Variants in KHDC4 observed in about 807,000 individuals in gnomAD.
KHDC4 encodes KH domain containing 4, pre-mRNA splicing factor, also known as KH homology domain-containing protein 4.
In KHDC4, 19 loss-of-function variants were observed where a neutral mutation model predicts 74.5. The ratio of observed to expected loss-of-function variants is 0.26; its 90% CI spans 0.18 to 0.37. The LOEUF (loss-of-function observed/expected upper bound fraction) is 0.37, where lower values mean the gene tolerates loss of function less well. Ranked by LOEUF, KHDC4 falls within the 10% of genes least tolerant of loss-of-function variation. KHDC4 has a pLI of 1.00. For missense variants in KHDC4, 632 were observed against 754.1 expected, an observed-to-expected ratio of 0.84 and a Z score of 1.90; for synonymous variants, 253 against 266.1, an observed-to-expected ratio of 0.95 and a Z score of 0.48.
rs1275782699 is a variant in KHDC4 at position 155,929,656 on chromosome 1, CTTCT to C, written c.384+52_384+55del. On this transcript the variant is annotated intron_variant, in intron 3 of 13. Transcript: ENST00000368321. ...ATCTGACGCCTGTCTATTTAGAGGTCTTCTTTATCTGAATCCACTCACCGCCCTC... is the reference window on the plus strand; with the variant it reads ...ATCTGACGCCTGTCTATTTAGAGGTCTTATCTGAATCCACTCACCGCCCTC... 193 of 1,571,596 alleles carry C rather than the reference CTTCT, an allele frequency of 1.2e-4. No homozygotes were observed. The East Asian group carries it at 4.2e-3, about 34-fold the overall frequency.
chr1:155,925,794 G>A lies in KHDC4; in HGVS notation c.731C>T (p.Pro244Leu). 2.5e-6 allele frequency: 4 copies of A among 1,614,018 alleles called. No homozygotes were observed. Among genetic ancestry groups the A allele is most frequent in the Non-Finnish European group, 2.5e-6 (3 of 1,179,978 alleles). Residue 244 changes from proline (P) to leucine (L), a missense_variant, in exon 7 of 14, where the codon CCC becomes CTC. Coordinates refer to ENST00000368321, the MANE Select transcript of KHDC4 (RefSeq NM_014949.4). ...KLFVGLEHAV[P>L]TFNVKEKVEG... ...CACCTTCTCCTTGACATTAAAAGTG[G>A]GTACAGCATGTTCTAGACCCACAAA...
chr1:155,933,514 G>C (rs1572016190), intron 2 of KHDC4, 119 bp downstream of exon 2: 6 of 683,800 alleles, frequency 8.8e-6, no homozygotes, highest in East Asian at 2.9e-5. Context: ...TCAAACTCCT[G>C]ACCTTGTGAT....
chr1:155,933,842 T>C lies in KHDC4; in HGVS notation c.46A>G (p.Ser16Gly), dbSNP rs1337256047. ...ATHPGAGGRR[S>G]KWDQPAPAPL... ...GCTGGAGCTGGTTGGTCCCATTTGCTGCGGCGCCTACATGGAGAAAAAGGA... is the reference window on the plus strand; with the variant it reads ...GCTGGAGCTGGTTGGTCCCATTTGCCGCGGCGCCTACATGGAGAAAAAGGA... The change falls in exon 2 of 14, where the codon AGC becomes GGC. Residue 16 changes from serine (S) to glycine (G), a missense_variant. Physicochemically the swap from Ser to Gly is moderately conservative, Grantham distance 56 (BLOSUM62 0). This residue lies in a region of KHDC4 where 104 missense variants were observed against 78.1 expected (regional missense o/e 1.33). Coordinates refer to ENST00000368321, the MANE Select transcript of KHDC4 (RefSeq NM_014949.4). 1 of 1,547,132 alleles carries C rather than the reference T, an allele frequency of 6.5e-7. No homozygotes were observed. Among genetic ancestry groups the C allele is most frequent in the Non-Finnish European group, 8.7e-7 (1 of 1,143,588 alleles).
At chr1:155,917,048 T>C (rs1319560207) in intron 11 of KHDC4, 7 of 252,322 alleles carry the variant, frequency 2.8e-5, no homozygotes, top group Non-Finnish European at 5.3e-5. Context: ...GTTTAAAGAA[T>C]GATTCAAGGA....
chr1:155,933,305 T>A (rs951591372), intron 2 of KHDC4, among the ~76,000 whole-genome samples: 2 of 152,120 alleles, frequency 1.3e-5, no homozygotes, highest in African/African-American at 4.8e-5. Flanking sequence ...TTTTTTTTTT[T>A]TTTGAGACGG....
In KHDC4 at chr1:155,929,808, A is replaced by G; in HGVS notation, c.288T>C (p.Asn96=). The G allele has an allele frequency of 6.2e-7, 1 of 1,610,158 alleles. No homozygotes were observed. The highest frequency in any genetic ancestry group is 8.5e-7 in the Non-Finnish European group (1 of 1,178,392). Residue 96 remains asparagine, a synonymous_variant, in exon 3 of 14, where the codon AAT becomes AAC. Transcript: ENST00000368321. The part of the protein sequence containing the change: ...LQAPGKGLTS[N]KSKDDLVVAE... ...CTACCACCAGGTCATCCTTGCTTTTATTGCTAGTTAGGCCTTTGCCAGGAG... is the reference window on the plus strand; with the variant it reads ...CTACCACCAGGTCATCCTTGCTTTTGTTGCTAGTTAGGCCTTTGCCAGGAG...
At chr1:155,926,491 G>A (rs925368357) in intron 6 of KHDC4, 185 bp downstream of exon 6, 22 of 608,098 alleles carry the variant, frequency 3.6e-5, no homozygotes, top group Admixed American at 2.7e-4. Flanking sequence ...CACCATGCCC[G>A]GGTAATGTTC....
At chr1:155,927,832 C>CCACACACCCACACA (rs1553231146) in intron 4 of KHDC4, among the ~76,000 whole-genome samples, 2 of 90,930 alleles carry the variant, frequency 2.2e-5, no homozygotes, top group African/African-American at 1.0e-4. Context: ...AAAAAAAAAA[C>CCACACACCCACACA]CACACACACA....
At position 155,929,715 on chromosome 1, in the gene KHDC4, G is replaced by C. The variant is rs370270450; in HGVS notation, c.381C>G (p.Asp127Glu). Residue 127 changes from aspartate (D) to glutamate (E), a missense_variant, in exon 3 of 14, where the codon GAC becomes GAG. Physicochemically the swap from Asp to Glu is conservative, Grantham distance 45. Transcript: ENST00000368321. ...AAGAGTCTCAATGCCTCCTCACCTC[G>C]TCTTGAGTCTGTCCTCGAGTCAGCA... ...RNLLTRGQTQ[D>E]EISRLSGAAV... 1 of 1,609,262 alleles carries C rather than the reference G, an allele frequency of 6.2e-7. No individual in the cohort carries two copies. The highest frequency in any genetic ancestry group is 8.5e-7 in the Non-Finnish European group (1 of 1,178,598).
Position 155,927,833 on chromosome 1 carries a change from CACACACACACACACACA to C in KHDC4, c.465-694_465-678del, listed in dbSNP as rs1437812638. On this transcript the variant is annotated intron_variant, in intron 4 of 13. Coordinates refer to ENST00000368321, the MANE Select transcript of KHDC4 (RefSeq NM_014949.4). ...AAAAAAAAAAAAAAAAAAAAAAAAC[CACACACACACACACACA>C]CACACACACACACACACACACACAA... Among the ~76,000 whole-genome samples, 35 of 6,742 alleles carry C rather than the reference CACACACACACACACACA, an allele frequency of 5.2e-3. 1 individual carries two copies. Among genetic ancestry groups the C allele is most frequent in the African/African-American group, 0.012 (33 of 2,758 alleles). 4.4% of individuals were successfully genotyped at this position (6,742 alleles called of 152,430 possible).
intron 13 of KHDC4, chr1:155,915,531 G>A (rs1673712878): frequency 3.4e-6 from 1 of 298,012 alleles, no homozygotes; most frequent in Non-Finnish European, 6.0e-6. Flanking sequence ...TTTATGAGAT[G>A]GAGTCTTGCT....
intron 4 of KHDC4, among the ~76,000 whole-genome samples, chr1:155,927,501 G>A (rs112829536): frequency 4.0e-4 from 61 of 152,042 alleles, no homozygotes; most frequent in African/African-American, 1.2e-3. Flanking sequence ...ATGTGGTCTC[G>A]TCTATCCAAA....
chr1:155,926,076 A>C (rs745722008), intron 6 of KHDC4: 2 of 709,200 alleles, frequency 2.8e-6, no homozygotes, highest in South Asian at 2.7e-5. Context: ...CAGCCTTCTT[A>C]GTCCTCCAGT....
intron 4 of KHDC4, 55 bp from the exon 5 acceptor site, chr1:155,927,211 G>A: frequency 7.8e-7 from 1 of 1,277,770 alleles, no homozygotes; most frequent in Non-Finnish European, 1.1e-6. Context: ...CAAAAAAGGA[G>A]TCAAATGGGT....
At chr1:155,932,974 T>A (rs1674174736) in intron 2 of KHDC4, among the ~76,000 whole-genome samples, 1 of 152,134 alleles carries the variant, frequency 6.6e-6, no homozygotes, top group Non-Finnish European at 1.5e-5. Context: ...CTACAGGTTC[T>A]AATTAGAGAT....
chr1:155,917,791 G>A (rs1251286484), intron 10 of KHDC4, 119 bp from the exon 11 acceptor site: 1 of 829,640 alleles, frequency 1.2e-6, no homozygotes, highest in South Asian at 1.9e-5. Context: ...GCATCTTCAG[G>A]TCCTTAGTTT....
In KHDC4 at chr1:155,913,903, T is replaced by C. The variant is rs1355402794; in HGVS notation, c.*218A>G. 5.5e-6 allele frequency: 3 copies of C among 549,820 alleles called. No individual in the cohort carries two copies. Among genetic ancestry groups the C allele is most frequent in the Non-Finnish European group, 9.7e-6 (3 of 309,350 alleles). The allele number at this position is 549,820 out of a possible 1,614,324, so 34.1% of individuals were successfully genotyped here. ...TGTTAAAAAGCTTCTGAGATAAATT[T>C]GTGATTCTAATTAAATTTTAACAGA... On this transcript the variant is annotated 3_prime_UTR_variant, in exon 14 of 14. Transcript: ENST00000368321.
intron 4 of KHDC4, among the ~76,000 whole-genome samples, chr1:155,928,768 C>T (rs930775152): frequency 2.6e-5 from 4 of 151,222 alleles, no homozygotes; most frequent in Admixed American, 6.6e-5. Context: ...CTGGCTAACA[C>T]GGTGAAGCTC....
rs1673976119 is a variant in KHDC4 at position 155,925,709 on chromosome 1, G to A, written c.816C>T (p.Phe272=). 3 of 1,614,174 alleles carry A rather than the reference G, an allele frequency of 1.9e-6. No homozygotes were observed. The highest frequency in any genetic ancestry group is 1.7e-5 in the Admixed American group (1 of 60,004). ...HIQIETGAKV[F]LRGKGSGCIE... is the part of the protein sequence containing the mutation. ...TGCAGCCTGAACCTTTGCCCCGCAG[G>A]AAGACTTTGGCACCTGTTTCAATCT... The change falls in exon 7 of 14, where the codon TTC becomes TTT. Residue 272 remains phenylalanine, a synonymous_variant. Coordinates refer to ENST00000368321, the MANE Select transcript of KHDC4 (RefSeq NM_014949.4).
Sources: allele counts gnomAD v4.1 joint callset (sites outside exome capture counted in the v4.1 genomes callset), GRCh38; gene constraint gnomAD v4.1.1; regional missense constraint gnomAD v4.1.1; transcripts MANE v1.5; gene names NCBI Gene and HGNC (gene_info 2026-07-23, HGNC 2026-07-21).